ZFHX3: variants seen among roughly 807,000 people sequenced by gnomAD.
ZFHX3 encodes the protein zinc finger homeobox protein 3.
A neutral mutation model predicts 279.1 loss-of-function variants in ZFHX3; 42 were observed. That is an observed-to-expected ratio of 0.15 (90% CI 0.12 to 0.19). ZFHX3 has a LOEUF of 0.19. Ranked by LOEUF, ZFHX3 falls within the 10% of genes least tolerant of loss-of-function variation. ZFHX3 has a pLI of 1.00. For missense variants in ZFHX3, 4,981 were observed against 4,754.0 expected (o/e 1.05, Z -1.40); for synonymous variants, 2,293 against 1,957.8 (o/e 1.17, Z -4.52).
chr16:72,889,895 T>G lies in ZFHX3; in HGVS notation c.3284A>C (p.Tyr1095Ser), dbSNP rs1407501275. ...GAGGTTGAGCTTGGCCTTGGTGGAG[T>G]AGTTGCACAGAACGCAGTGGTAGTA... ...SCYYHCVLCN[Y>S]STKAKLNLIQ... Residue 1095 changes from tyrosine to serine, a missense_variant, in exon 4 of 10, where the codon TAC becomes TCC. Physicochemically the swap from Tyr to Ser is moderately radical, Grantham distance 144. Transcript: ENST00000268489. The G allele has an allele frequency of 6.2e-6, 10 of 1,613,858 alleles. No homozygotes were observed. Among genetic ancestry groups the G allele is most frequent in the Admixed American group, 5.0e-5 (3 of 59,998 alleles).
chr16:73,726,980 A>G (rs2729610), intron 1 of ZFHX3, among the ~76,000 whole-genome samples: 133,594 of 152,194 alleles, frequency 0.88, 59,537 homozygotes, highest in Non-Finnish European at 0.95. Flanking sequence ...TTCCCTGGGG[A>G]GAGGGCAAAA....
At chr16:73,658,962 A>T (rs79825592) in intron 2 of ZFHX3, among the ~76,000 whole-genome samples, 16,318 of 152,156 alleles carry the variant, frequency 0.11, 1,151 homozygotes, top group Middle Eastern at 0.16. Context: ...TTTCCCCCCA[A>T]ATCCACCCAG....
intron 1 of ZFHX3, among the ~76,000 whole-genome samples, chr16:73,753,985 A>AGTGTGTGTGTGTGT (rs2053783574): frequency 6.8e-5 from 2 of 29,444 alleles, no homozygotes; most frequent in Non-Finnish European, 1.2e-4. Context: ...AGTAAGAATC[A>AGTGTGTGTGTGTGT]ATGTGTGTGT....
At chr16:73,076,056 T>A (rs139455787) in intron 8 of ZFHX3, among the ~76,000 whole-genome samples, 149 of 152,332 alleles carry the variant, frequency 9.8e-4, no homozygotes, top group Middle Eastern at 3.4e-3. Context: ...CCTCACTGTG[T>A]AACTTCTCCT....
intron 2 of ZFHX3, among the ~76,000 whole-genome samples, chr16:73,537,416 A>C (rs549660416): frequency 3.4e-5 from 5 of 146,166 alleles, no homozygotes; most frequent in African/African-American, 1.3e-4. Context: ...TCCTGGGTTC[A>C]AGTGATTCGC....
intron 4 of ZFHX3, among the ~76,000 whole-genome samples, chr16:72,856,320 C>A (rs932398170): frequency 6.6e-6 from 1 of 152,234 alleles, no homozygotes; most frequent in African/African-American, 2.4e-5. Context: ...TAACATCGTA[C>A]TACTCATGGC....
intron 7 of ZFHX3, 46 bp downstream of exon 7, chr16:72,811,531 T>C: frequency 6.6e-7 from 1 of 1,506,128 alleles, no homozygotes; most frequent in Non-Finnish European, 9.0e-7. Flanking sequence ...TGCATCACCT[T>C]TGACCCTGGA....
chr16:73,809,754 A>G (rs1389017443), intron 1 of ZFHX3: 1 of 151,976 alleles, frequency 6.6e-6, no homozygotes, highest in Non-Finnish European at 1.5e-5. Flanking sequence ...TTTAGGCTCT[A>G]CTCATTAAAA....
At chr16:73,121,502 C>A (rs1966498550) in intron 7 of ZFHX3, among the ~76,000 whole-genome samples, 1 of 152,166 alleles carries the variant, frequency 6.6e-6, no homozygotes, top group South Asian at 2.1e-4. Context: ...CAGACAGCAT[C>A]TCCTTGAGAA....
At chr16:73,798,226 G>C (rs1408271204) in intron 1 of ZFHX3, among the ~76,000 whole-genome samples, 1 of 152,038 alleles carries the variant, frequency 6.6e-6, no homozygotes, top group Non-Finnish European at 1.5e-5. Context: ...ATTTATTGAA[G>C]TAATGAGATG....
intron 2 of ZFHX3, among the ~76,000 whole-genome samples, chr16:73,496,342 C>T (rs2019141734): frequency 6.6e-6 from 1 of 152,140 alleles, no homozygotes; most frequent in Admixed American, 6.5e-5. Context: ...ACCAGCCTGG[C>T]CAATATGGTG....
At chr16:72,902,324 G>A (rs2039059053) in intron 3 of ZFHX3, among the ~76,000 whole-genome samples, 1 of 152,200 alleles carries the variant, frequency 6.6e-6, no homozygotes, top group South Asian at 2.1e-4. Flanking sequence ...GAGTAAGTAA[G>A]ACTCTTCCAA....
chr16:73,324,474 C>G (rs923726152), intron 3 of ZFHX3, among the ~76,000 whole-genome samples: 13 of 152,110 alleles, frequency 8.5e-5, no homozygotes, highest in African/African-American at 2.9e-4. Context: ...GGAAGATCAT[C>G]AAGAGAGGAA....
intron 3 of ZFHX3, among the ~76,000 whole-genome samples, chr16:72,901,159 G>A (rs1443136449): frequency 6.6e-6 from 1 of 152,274 alleles, no homozygotes; most frequent in East Asian, 1.9e-4. Flanking sequence ...CGCTGGCAGC[G>A]TGGCTCTTGA....
exon 1 of ZFHX3, chr16:73,058,644 C>A: frequency 4.2e-6 from 1 of 235,970 alleles, no homozygotes. Context: ...CGGAGCCCAT[C>A]AAGGCAGCAG....
intron 7 of ZFHX3, chr16:72,806,968 C>G (rs2036285038): frequency 6.6e-6 from 1 of 152,176 alleles, no homozygotes; most frequent in African/African-American, 2.4e-5. Flanking sequence ...GCTTCAGGAT[C>G]CCAGTGGTGT....
rs200690104 is a variant in ZFHX3 at position 72,793,301 on chromosome 16, C to A, written c.9381G>T (p.Pro3127=). Residue 3127 remains proline (P), a synonymous_variant, in exon 9 of 10, where the codon CCG becomes CCT. Coordinates refer to ENST00000268489, the MANE Select transcript of ZFHX3 (RefSeq NM_006885.4). This position sits in a 1 kb window ranked among gnomAD's most constrained non-coding sequence, Gnocchi z 4.3. Reference sequence around the variant, plus strand: ...CTGGCAAGGAGGGGCTGTTGAGGCCCGGGAGCAACACAGGAGGAATGCCCT... The same window carrying A: ...CTGGCAAGGAGGGGCTGTTGAGGCCAGGGAGCAACACAGGAGGAATGCCCT... The part of the protein sequence containing the change: ...ALQGIPPVLL[P]GLNSPSLPGF... 3 of 1,613,978 alleles carry A rather than the reference C, an allele frequency of 1.9e-6. No homozygotes were observed. The highest frequency in any genetic ancestry group is 4.5e-5 in the East Asian group (2 of 44,876).
intron 3 of ZFHX3, among the ~76,000 whole-genome samples, chr16:73,397,650 G>GT (rs1409356053): frequency 6.6e-6 from 1 of 152,176 alleles, no homozygotes; most frequent in East Asian, 1.9e-4. Flanking sequence ...GCTATTAGCA[G>GT]TGGGGATGTG....
chr16:73,408,131 G>A (rs2143452160), intron 3 of ZFHX3, among the ~76,000 whole-genome samples: 1 of 151,070 alleles, frequency 6.6e-6, no homozygotes, highest in Non-Finnish European at 1.5e-5. Context: ...TTGCTTGGGT[G>A]GAGGGATTTG....
Sources: allele counts gnomAD v4.1 joint callset (sites outside exome capture counted in the v4.1 genomes callset), GRCh38; gene constraint gnomAD v4.1.1; non-coding constraint Gnocchi (gnomAD v3.1); transcripts MANE v1.5; gene names NCBI Gene and HGNC (gene_info 2026-07-23, HGNC 2026-07-21).